The following MAP1B variants were observed in gnomAD, a reference collection of about 807,000 sequenced individuals.
The protein encoded by MAP1B is microtubule associated protein 1B, also known as microtubule-associated protein 1B.
Under a neutral mutation model 176.1 loss-of-function variants are expected in MAP1B, and 12 were observed. The ratio of observed to expected loss-of-function variants is 0.07; its 90% CI spans 0.04 to 0.11. The LOEUF is 0.11. MAP1B is among the 10% of genes least tolerant of loss of function. The probability of loss-of-function intolerance (pLI) is 1.00; values close to 1 mark genes in which losing one functional copy is unlikely to be tolerated. For synonymous variants in MAP1B, 1,044 were observed against 1,135.0 expected (o/e 0.92, Z 1.61); for missense variants, 2,523 against 2,990.5 (o/e 0.84, Z 3.65).
chr5:72,168,837 T>C (rs1746482214), intron 2 of MAP1B, among the ~76,000 whole-genome samples: 1 of 152,230 alleles, frequency 6.6e-6, no homozygotes, highest in African/African-American at 2.4e-5. Context: ...AAAATGCCCA[T>C]TGGCCAGATT....
At chr5:72,117,446 A>G (rs796866779) in intron 2 of MAP1B, among the ~76,000 whole-genome samples, 75 of 152,244 alleles carry the variant, frequency 4.9e-4, no homozygotes, top group African/African-American at 1.6e-3. Context: ...TGTGGTTCTC[A>G]TTGTGTTCAT....
rs373537276 is a variant in MAP1B at position 72,186,573 on chromosome 5, C to T, written c.370-41C>T. The T allele has an allele frequency of 4.9e-4, 783 of 1,604,768 alleles. 1 individual carries two copies. Among genetic ancestry groups the T allele is most frequent in the Middle Eastern group, 6.2e-4 (3 of 4,852 alleles). On this transcript the variant is annotated intron_variant, in intron 3 of 6. Coordinates refer to ENST00000296755, the MANE Select transcript of MAP1B (RefSeq NM_005909.5). This position sits in a 1 kb window ranked among gnomAD's most constrained non-coding sequence, Gnocchi z 4.3. Reference sequence around the variant, plus strand: ...CTGTCCTGAAGGTGGGATGGCAGCACTGCCCATGGCTCAGGGCCTACGTTC... The same window carrying T: ...CTGTCCTGAAGGTGGGATGGCAGCATTGCCCATGGCTCAGGGCCTACGTTC...
chr5:72,166,418 A>G (rs1476914922), intron 2 of MAP1B, among the ~76,000 whole-genome samples: 1 of 152,132 alleles, frequency 6.6e-6, no homozygotes, highest in East Asian at 1.9e-4. Flanking sequence ...ATCTGTTTGT[A>G]AAAATGCATG....
Position 72,195,972 on chromosome 5 carries a change from G to A in MAP1B, c.2617G>A (p.Val873Ile). 6.2e-7 allele frequency: 1 copy of A among 1,614,242 alleles called. No homozygotes were observed. Among genetic ancestry groups the A allele is most frequent in the Non-Finnish European group, 8.5e-7 (1 of 1,180,048 alleles). The change falls in exon 5 of 7, where the codon GTC becomes ATC. Residue 873 changes from valine to isoleucine, a missense_variant. Val to Ile is a conservative substitution (Grantham distance 29). Coordinates refer to ENST00000296755, the MANE Select transcript of MAP1B (RefSeq NM_005909.5). ...AGAGAAACTGAAGGAAACTGAGCCA[G>A]TCGAAGCCTACGTCATCCAGAAGGA... is the stretch of plus-strand genomic sequence containing the variant. Reference protein sequence around the residue: ...DEEKLKETEPVEAYVIQKERE... With the variant: ...DEEKLKETEPIEAYVIQKERE...
At chr5:72,120,583 C>T (rs1292042168) in intron 2 of MAP1B, among the ~76,000 whole-genome samples, 1 of 151,302 alleles carries the variant, frequency 6.6e-6, no homozygotes, top group African/African-American at 2.5e-5. Flanking sequence ...CACCACCATG[C>T]CTGGCTATTT....
intron 2 of MAP1B, among the ~76,000 whole-genome samples, chr5:72,144,761 TG>T (rs1746015501): frequency 6.6e-6 from 1 of 152,146 alleles, no homozygotes; most frequent in South Asian, 2.1e-4. Context: ...GTGTTACGCT[TG>T]GGTCTTTTAA....
chr5:72,178,725 G>GGGGGGT (rs761860242), intron 2 of MAP1B, among the ~76,000 whole-genome samples: 2 of 140,418 alleles, frequency 1.4e-5, no homozygotes, highest in East Asian at 2.1e-4. Flanking sequence ...GCCTCTGAGG[G>GGGGGGT]GTGTGTGTGT....
chr5:72,205,118 T>C lies in MAP1B; in HGVS notation c.7286T>C (p.Met2429Thr). Residue 2429 changes from methionine to threonine, a missense_variant, in exon 7 of 7, where the codon ATG becomes ACG. Met to Thr is a moderately conservative substitution (Grantham distance 81). This residue lies in a region of MAP1B where 287 missense variants were observed against 401.5 expected (regional missense o/e 0.71). Transcript: ENST00000296755. Reference sequence around the variant, plus strand: ...ATCCCAACTCATGACTCAGAAGTGATGAGGGAATGGTACCAGGAGACCCAT... The same window carrying C: ...ATCCCAACTCATGACTCAGAAGTGACGAGGGAATGGTACCAGGAGACCCAT... ...TLIPTHDSEVMREWYQETHEK... is the reference protein window; with the variant it reads ...TLIPTHDSEVTREWYQETHEK... 1 of 1,613,714 alleles carries C rather than the reference T, an allele frequency of 6.2e-7. No individual in the cohort carries two copies. The highest frequency in any genetic ancestry group is 8.5e-7 in the Non-Finnish European group (1 of 1,179,900).
chr5:72,108,343 C>T (rs1745172867), intron 1 of MAP1B, among the ~76,000 whole-genome samples: 1 of 152,246 alleles, frequency 6.6e-6, no homozygotes, highest in Admixed American at 6.5e-5. Context: ...CGCTTCGCCA[C>T]CAGACAGAGC....
In MAP1B at chr5:72,179,804, G is replaced by A. The variant is rs1378280207; in HGVS notation, c.287-3939G>A. 1.0e-5 allele frequency: 10 copies of A among 985,372 alleles called. No homozygotes were observed. In the South Asian group the frequency reaches 1.9e-4, roughly 19 times the overall value. The allele number at this position is 985,372 out of a possible 1,614,324, so 61.0% of individuals were successfully genotyped here. A position where few individuals can be genotyped will look rare whatever the true frequency, so the allele number is the denominator to read the frequency against. On this transcript the variant is annotated intron_variant, in intron 2 of 6. Coordinates refer to ENST00000296755, the MANE Select transcript of MAP1B (RefSeq NM_005909.5). The stretch of plus-strand genomic sequence containing the variant: ...GAGCAGCCATGGCATCTTGGTGCAC[G>A]TCTGTGCCATTCCTCTCAATATTTC...
chr5:72,139,296 A>G (rs1212060457), intron 2 of MAP1B, among the ~76,000 whole-genome samples: 1 of 152,138 alleles, frequency 6.6e-6, no homozygotes, highest in African/African-American at 2.4e-5. Context: ...TCCATATCAA[A>G]CCTTTATCAC....
intron 2 of MAP1B, among the ~76,000 whole-genome samples, chr5:72,162,394 G>A (rs78129075): frequency 0.015 from 2,243 of 151,866 alleles, 38 homozygotes; most frequent in East Asian, 0.042. Flanking sequence ...AACATGACTG[G>A]GGGGGCATCT....
At chr5:72,153,527 G>T (rs1228238257) in intron 2 of MAP1B, among the ~76,000 whole-genome samples, 3 of 151,940 alleles carry the variant, frequency 2.0e-5, no homozygotes, top group African/African-American at 4.8e-5. Context: ...CCTGGAGTCA[G>T]TGTGGGGGTG....
intron 2 of MAP1B, among the ~76,000 whole-genome samples, chr5:72,143,150 C>T (rs761148166): frequency 6.6e-5 from 10 of 151,962 alleles, no homozygotes; most frequent in Admixed American, 1.3e-4. Context: ...CATCTTTGCA[C>T]GTATCATAGA....
intron 1 of MAP1B, among the ~76,000 whole-genome samples, chr5:72,113,092 C>A (rs79173753): frequency 0.069 from 10,505 of 152,242 alleles, 760 homozygotes; most frequent in East Asian, 0.21. Context: ...CTACTAAATG[C>A]AATATGAACC....
intron 2 of MAP1B, among the ~76,000 whole-genome samples, chr5:72,145,651 G>A (rs1746031183): frequency 6.6e-6 from 1 of 152,180 alleles, no homozygotes; most frequent in Non-Finnish European, 1.5e-5. Flanking sequence ...ATTCCATTCA[G>A]ACTCCAAGCA....
Position 72,197,266 on chromosome 5 carries a change from A to G in MAP1B, c.3911A>G (p.Glu1304Gly), listed in dbSNP as rs137925537. The change falls in exon 5 of 7, where the codon GAA becomes GGA. Residue 1304 changes from glutamate to glycine, a missense_variant. By Grantham distance (98) the Glu-to-Gly change is moderately conservative. This residue lies in a region of MAP1B where 1,925 missense variants were observed against 2,126.0 expected (regional missense o/e 0.91). Coordinates refer to ENST00000296755, the MANE Select transcript of MAP1B (RefSeq NM_005909.5). ...VAPVSPEVTQ[E>G]VVEEHCASPE... is the part of the protein sequence containing the mutation. Reference sequence around the variant, plus strand: ...CCGGTGTCTCCTGAGGTGACCCAAGAAGTAGTTGAAGAACATTGTGCTAGT... The same window carrying G: ...CCGGTGTCTCCTGAGGTGACCCAAGGAGTAGTTGAAGAACATTGTGCTAGT... 6.2e-6 allele frequency: 10 copies of G among 1,614,188 alleles called. No individual in the cohort carries two copies. The highest frequency in any genetic ancestry group is 8.5e-6 in the Non-Finnish European group (10 of 1,180,032).
In MAP1B at chr5:72,197,663, A is replaced by G; in HGVS notation, c.4308A>G (p.Gln1436=). The change falls in exon 5 of 7, where the codon CAA becomes CAG. Residue 1436 remains glutamine (Q), a synonymous_variant. Coordinates refer to ENST00000296755, the MANE Select transcript of MAP1B (RefSeq NM_005909.5). ...ESPFEEKSGK[Q]GSPDQVSPVS... is the part of the protein sequence containing the mutation. ...CTTTTGAAGAAAAGAGTGGAAAACA[A>G]GGCTCTCCAGACCAAGTAAGTCCAG... 1 of 1,614,240 alleles carries G rather than the reference A, an allele frequency of 6.2e-7. No homozygotes were observed. Among genetic ancestry groups the G allele is most frequent in the Non-Finnish European group, 8.5e-7 (1 of 1,180,040 alleles).
chr5:72,159,029 C>T (rs1746281120), intron 2 of MAP1B, among the ~76,000 whole-genome samples: 1 of 151,996 alleles, frequency 6.6e-6, no homozygotes. Flanking sequence ...TACTGTTATT[C>T]CCATGTACGA....
Sources: gnomAD v4.1 joint callset for allele counts (sites outside exome capture counted in the v4.1 genomes callset) on GRCh38, gnomAD v4.1.1 for gene constraint, gnomAD v4.1.1 regional missense constraint, Gnocchi (gnomAD v3.1) non-coding constraint, MANE v1.5 for transcripts, NCBI Gene and HGNC (gene_info 2026-07-23, HGNC 2026-07-21) for gene names.